MAGI2: variants seen among roughly 807,000 people sequenced by gnomAD.
MAGI2 encodes membrane associated guanylate kinase, WW and PDZ domain containing 2.
A neutral mutation model predicts 133.3 loss-of-function variants in MAGI2; 35 were observed. That is an observed-to-expected ratio of 0.26 (90% CI 0.20 to 0.35). MAGI2 has a LOEUF of 0.35. Among genes scored for constraint, MAGI2 ranks in the 10% least tolerant of loss-of-function variants. The pLI, the probability that MAGI2 is intolerant of heterozygous loss-of-function variation, is 1.00. For missense variants in MAGI2, 1,636 were observed against 1,863.4 expected (o/e 0.88, Z 2.25); for synonymous variants, 729 against 710.6 (o/e 1.03, Z -0.41).
intron 2 of MAGI2, among the ~76,000 whole-genome samples, chr7:78,849,019 TCAAA>T (rs1389892176): frequency 1.3e-5 from 2 of 152,100 alleles, no homozygotes; most frequent in African/African-American, 4.8e-5. Context: ...CAATTAATCA[TCAAA>T]CAAATGGTTA....
intron 3 of MAGI2, among the ~76,000 whole-genome samples, chr7:78,537,061 T>C (rs1390828151): frequency 6.6e-6 from 1 of 152,100 alleles, no homozygotes; most frequent in Non-Finnish European, 1.5e-5. Context: ...ATACAATGTT[T>C]AGTTTTCCAT....
At chr7:78,409,449 G>A (rs1203625285) in intron 6 of MAGI2, among the ~76,000 whole-genome samples, 1 of 152,004 alleles carries the variant, frequency 6.6e-6, no homozygotes, top group Non-Finnish European at 1.5e-5. Context: ...CTGCGCTTTC[G>A]CACTGTACTT....
chr7:79,218,219 C>T (rs918467988), intron 1 of MAGI2, among the ~76,000 whole-genome samples: 3 of 151,878 alleles, frequency 2.0e-5, no homozygotes, highest in African/African-American at 7.3e-5. Context: ...ATTCCATGAC[C>T]TTATATATAA....
chr7:78,085,550 C>CACACACACACACACA (rs1554441619), intron 20 of MAGI2, among the ~76,000 whole-genome samples: 34 of 121,042 alleles, frequency 2.8e-4, no homozygotes, highest in Middle Eastern at 4.3e-3. Context: ...AATAAAACTC[C>CACACACACACACACA]CACACACACA....
intron 1 of MAGI2, among the ~76,000 whole-genome samples, chr7:79,425,766 A>G (rs1385965952): frequency 2.0e-5 from 3 of 151,774 alleles, no homozygotes; most frequent in Non-Finnish European, 4.4e-5. Flanking sequence ...TACAGACAAA[A>G]TAGAGAGAGA....
chr7:78,320,896 C>T (rs1460106939), intron 9 of MAGI2, among the ~76,000 whole-genome samples: 2 of 152,114 alleles, frequency 1.3e-5, no homozygotes, highest in African/African-American at 2.4e-5. Flanking sequence ...CCCAAAATCT[C>T]CTTAAGCTGA....
chr7:78,255,630 T>C (rs1792887248), intron 10 of MAGI2: 2 of 552,822 alleles, frequency 3.6e-6, no homozygotes, highest in Non-Finnish European at 6.3e-6. Flanking sequence ...CCATGACCGA[T>C]ACATGAATGA....
chr7:79,203,179 C>T (rs1828760961), intron 1 of MAGI2, among the ~76,000 whole-genome samples: 1 of 152,070 alleles, frequency 6.6e-6, no homozygotes, highest in Non-Finnish European at 1.5e-5. Flanking sequence ...CACTAGTACA[C>T]ACTACCATCA....
intron 2 of MAGI2, 32 bp downstream of exon 2, chr7:79,007,058 A>T: frequency 1.4e-6 from 2 of 1,406,424 alleles, no homozygotes; most frequent in Non-Finnish European, 2.0e-6. Flanking sequence ...ATCTCTCAAC[A>T]TAAAAATATT....
At chr7:79,417,844 T>C (rs903576915) in intron 1 of MAGI2, among the ~76,000 whole-genome samples, 3 of 152,030 alleles carry the variant, frequency 2.0e-5, no homozygotes, top group Admixed American at 2.0e-4. Context: ...TAAATGCTTC[T>C]TCACCACATT....
chr7:78,493,833 C>T (rs1287237308), intron 5 of MAGI2, among the ~76,000 whole-genome samples: 3 of 144,730 alleles, frequency 2.1e-5, no homozygotes, highest in Middle Eastern at 3.3e-3. Flanking sequence ...ATGCTTTGCA[C>T]TTAATAAGTA....
At chr7:79,165,637 C>T (rs1162782551) in intron 1 of MAGI2, among the ~76,000 whole-genome samples, 1 of 152,060 alleles carries the variant, frequency 6.6e-6, no homozygotes, top group African/African-American at 2.4e-5. Context: ...CAGCTGACAA[C>T]ATAATTAGCA....
intron 2 of MAGI2, among the ~76,000 whole-genome samples, chr7:78,965,195 TTAA>T (rs1325280004): frequency 6.6e-6 from 1 of 151,528 alleles, no homozygotes; most frequent in Non-Finnish European, 1.5e-5. Context: ...ATAAATCTAA[TTAA>T]TGTTATTGTT....
intron 1 of MAGI2, among the ~76,000 whole-genome samples, chr7:79,041,090 T>G (rs1224399963): frequency 1.3e-5 from 2 of 152,130 alleles, no homozygotes; most frequent in Non-Finnish European, 2.9e-5. Flanking sequence ...AATATCAAAA[T>G]ATGTATCAAA....
At chr7:78,632,103 G>A (rs777165882) in intron 2 of MAGI2, among the ~76,000 whole-genome samples, 5 of 152,152 alleles carry the variant, frequency 3.3e-5, no homozygotes, top group Non-Finnish European at 7.4e-5. Context: ...ATGAAGTCTT[G>A]CCATAAATAT....
At chr7:78,784,711 G>A (rs1416006046) in intron 2 of MAGI2, among the ~76,000 whole-genome samples, 1 of 152,156 alleles carries the variant, frequency 6.6e-6, no homozygotes, top group Non-Finnish European at 1.5e-5. Context: ...TTTCTACATG[G>A]ATGTCTATTC....
chr7:78,442,461 A>C (rs1787724993), intron 6 of MAGI2, among the ~76,000 whole-genome samples: 1 of 152,150 alleles, frequency 6.6e-6, no homozygotes, highest in Non-Finnish European at 1.5e-5. Flanking sequence ...TGGAGATGAA[A>C]ATGGTGAATC....
intron 1 of MAGI2, among the ~76,000 whole-genome samples, chr7:79,262,723 C>T (rs1049860984): frequency 6.6e-6 from 1 of 152,158 alleles, no homozygotes; most frequent in Non-Finnish European, 1.5e-5. Context: ...ACATGCATAA[C>T]TTACACACAA....
At position 78,156,365 on chromosome 7, in the gene MAGI2, C is replaced by T. The variant is rs546628208; in HGVS notation, c.2845+3660G>A. Among the ~76,000 whole-genome samples the T allele has an allele frequency of 2.3e-4, 35 of 152,224 alleles. No individual in the cohort carries two copies. In the East Asian group the frequency reaches 6.6e-3, roughly 29 times the overall value. On this transcript the variant is annotated intron_variant, in intron 16 of 21. Transcript: ENST00000354212. Reference sequence around the variant, plus strand: ...CATCTGTGGCCCAGATTTAGCTGCCCTGGGAGAGTGGTGGCTCTGACTAAT... The same window carrying T: ...CATCTGTGGCCCAGATTTAGCTGCCTTGGGAGAGTGGTGGCTCTGACTAAT...
Sources: allele counts gnomAD v4.1 joint callset (sites outside exome capture counted in the v4.1 genomes callset), GRCh38; gene constraint gnomAD v4.1.1; transcripts MANE v1.5; gene names NCBI Gene and HGNC (gene_info 2026-07-23, HGNC 2026-07-21).